NTM: variants seen among roughly 807,000 people sequenced by gnomAD.
NTM encodes the protein neurotrimin.
NTM carries 13 observed loss-of-function variants against 42.1 expected under a neutral mutation model. That is an observed-to-expected ratio of 0.31 (90% CI 0.20 to 0.49). The LOEUF (loss-of-function observed/expected upper bound fraction) is 0.49, where lower values mean the gene tolerates loss of function less well. Ranked by LOEUF, NTM falls within the 20% of genes least tolerant of loss-of-function variation. The pLI is 0.99. For synonymous variants in NTM, 187 were observed against 179.2 expected, an observed-to-expected ratio of 1.04 and a Z score of -0.35; for missense variants, 373 against 452.8, an observed-to-expected ratio of 0.82 and a Z score of 1.60.
intron 1 of NTM, among the ~76,000 whole-genome samples, chr11:131,691,108 A>T (rs1406146450): frequency 1.3e-5 from 2 of 152,096 alleles, no homozygotes; most frequent in Non-Finnish European, 2.9e-5. Flanking sequence ...GGAGCCGGGG[A>T]GCCCTGGGCT....
intron 1 of NTM, among the ~76,000 whole-genome samples, chr11:131,884,977 C>G (rs1030611823): frequency 6.6e-6 from 1 of 152,156 alleles, no homozygotes; most frequent in Non-Finnish European, 1.5e-5. Context: ...CTTTGCAGAG[C>G]AAGAGCCCAG....
chr11:131,502,151 C>T (rs940621447), intron 1 of NTM, among the ~76,000 whole-genome samples: 1 of 151,996 alleles, frequency 6.6e-6, no homozygotes, highest in Non-Finnish European at 1.5e-5. Context: ...CCTCAACATT[C>T]CCATGTTGAA....
At chr11:132,288,242 C>A (rs1316931250) in intron 4 of NTM, among the ~76,000 whole-genome samples, 2 of 152,144 alleles carry the variant, frequency 1.3e-5, no homozygotes, top group Non-Finnish European at 2.9e-5. Flanking sequence ...AAGACACGTG[C>A]AGGCTTACCA....
chr11:131,867,136 G>A (rs1338855051), intron 1 of NTM, among the ~76,000 whole-genome samples: 5 of 152,200 alleles, frequency 3.3e-5, no homozygotes, highest in Non-Finnish European at 5.9e-5. Flanking sequence ...CCAACTGTGT[G>A]TCTTCTCAAA....
chr11:131,729,517 A>AC (rs1198055897), intron 1 of NTM, among the ~76,000 whole-genome samples: 1 of 152,192 alleles, frequency 6.6e-6, no homozygotes, highest in Non-Finnish European at 1.5e-5. Flanking sequence ...AGCAACCACT[A>AC]CCACTATCTA....
intron 7 of NTM, among the ~76,000 whole-genome samples, chr11:132,316,334 T>TTTTCAGCAGGCACACATG (rs1402381384): frequency 6.6e-5 from 10 of 152,204 alleles, no homozygotes; most frequent in African/African-American, 2.2e-4. Context: ...AAATATGCTC[T>TTTTCAGCAGGCACACATG]TTTCAGCAGG....
At chr11:131,643,325 C>T (rs548656199) in intron 1 of NTM, among the ~76,000 whole-genome samples, 13 of 152,300 alleles carry the variant, frequency 8.5e-5, no homozygotes, top group African/African-American at 3.1e-4. Flanking sequence ...CCGTGCCAGT[C>T]GTGGCCCAGA....
Position 131,622,116 on chromosome 11 carries a change from G to C in NTM, c.82+251228G>C, listed in dbSNP as rs563655332. 6.0e-4 allele frequency among the ~76,000 whole-genome samples: 92 copies of C among 152,232 alleles called. No individual in the cohort carries two copies. The South Asian group carries it at 0.013, about 21-fold the overall frequency. On this transcript the variant is annotated intron_variant, in intron 1 of 8. Coordinates refer to ENST00000683400, the MANE Select transcript of NTM (RefSeq NM_001352005.2). ...AGCAAAGGGCCTGAGTGGGAGGATG[G>C]GGGGGACCATCCACAGGAAGCCAAA...
chr11:132,021,506 C>T (rs1410079320), intron 2 of NTM, among the ~76,000 whole-genome samples: 2 of 152,088 alleles, frequency 1.3e-5, no homozygotes, highest in East Asian at 3.9e-4. Context: ...CCTAGCCTCA[C>T]TTTTCCCGCA....
At chr11:132,131,377 A>G (rs1341236759) in intron 2 of NTM, among the ~76,000 whole-genome samples, 1 of 152,234 alleles carries the variant, frequency 6.6e-6, no homozygotes, top group Non-Finnish European at 1.5e-5. Flanking sequence ...ATAATGAACT[A>G]GGTACCATGG....
At chr11:132,050,610 C>T (rs1020669384) in intron 2 of NTM, among the ~76,000 whole-genome samples, 33 of 152,206 alleles carry the variant, frequency 2.2e-4, no homozygotes, top group African/African-American at 6.5e-4. Context: ...AGGAGAGGTG[C>T]GTGCTCTGAG....
chr11:131,570,391 A>G (rs1372490112), intron 1 of NTM, among the ~76,000 whole-genome samples: 1 of 152,222 alleles, frequency 6.6e-6, no homozygotes, highest in Non-Finnish European at 1.5e-5. Flanking sequence ...TGATTCACAA[A>G]TCCTAAAATT....
At chr11:131,974,144 CTG>C (rs930226988) in intron 2 of NTM, among the ~76,000 whole-genome samples, 56 of 152,180 alleles carry the variant, frequency 3.7e-4, no homozygotes, top group African/African-American at 1.3e-3. Flanking sequence ...TGTTAATTGA[CTG>C]TGTTATCAGT....
At chr11:132,190,399 A>G (rs2079109342) in intron 3 of NTM, among the ~76,000 whole-genome samples, 1 of 152,154 alleles carries the variant, frequency 6.6e-6, no homozygotes, top group Non-Finnish European at 1.5e-5. Context: ...TCAGGAGAGG[A>G]AAGAAACTAT....
At chr11:132,301,642 G>A (rs2094863782) in intron 4 of NTM, among the ~76,000 whole-genome samples, 1 of 152,194 alleles carries the variant, frequency 6.6e-6, no homozygotes, top group African/African-American at 2.4e-5. Flanking sequence ...TGTCCTTGAG[G>A]TCAGCCTGGG....
intron 1 of NTM, among the ~76,000 whole-genome samples, chr11:131,768,738 G>C (rs545105938): frequency 6.6e-6 from 1 of 152,116 alleles, no homozygotes; most frequent in Non-Finnish European, 1.5e-5. Context: ...AAAATGCTTC[G>C]CAATGTCTTG....
chr11:131,636,784 G>A (rs1261605745), intron 1 of NTM, among the ~76,000 whole-genome samples: 2 of 152,168 alleles, frequency 1.3e-5, no homozygotes, highest in African/African-American at 4.8e-5. Context: ...ACGTAAAATA[G>A]AGATTATAAC....
intron 2 of NTM, among the ~76,000 whole-genome samples, chr11:131,944,207 A>T (rs954688159): frequency 6.6e-6 from 1 of 152,260 alleles, no homozygotes; most frequent in South Asian, 2.1e-4. Context: ...ATATCTAGAA[A>T]TACTAGGTAC....
At chr11:132,023,712 T>C (rs1455349446) in intron 2 of NTM, among the ~76,000 whole-genome samples, 1 of 151,674 alleles carries the variant, frequency 6.6e-6, no homozygotes, top group Non-Finnish European at 1.5e-5. Context: ...GTTGTTGTTG[T>C]TGGTTTTGTT....
Sources: allele counts gnomAD v4.1 joint callset (sites outside exome capture counted in the v4.1 genomes callset), GRCh38; gene constraint gnomAD v4.1.1; transcripts MANE v1.5; gene names NCBI Gene and HGNC (gene_info 2026-07-23, HGNC 2026-07-21).